The following TUSC3 variants were observed in gnomAD, a reference collection of about 807,000 sequenced individuals.
TUSC3 encodes tumor suppressor candidate 3.
In TUSC3, 45 loss-of-function variants were observed where a neutral mutation model predicts 44.8. That is an observed-to-expected ratio of 1.00 (90% CI 0.79 to 1.29). TUSC3 has a LOEUF of 1.29. Ranked by LOEUF, TUSC3 falls within the 50% of genes most tolerant of loss-of-function variation. The pLI is 0.00. For synonymous variants in TUSC3, 212 were observed against 152.9 expected (o/e 1.39, Z -2.85); for missense variants, 519 against 437.9 (o/e 1.19, Z -1.65).
chr8:15,492,513 C>T (rs76255101), intron 2 of TUSC3, among the ~76,000 whole-genome samples: 4,400 of 152,110 alleles, frequency 0.029, 96 homozygotes, highest in Non-Finnish European at 0.044. Flanking sequence ...TAAGACTGCC[C>T]CAAGACTGAA....
chr8:15,468,149 C>T (rs1203963762), intron 1 of TUSC3, among the ~76,000 whole-genome samples: 2 of 152,122 alleles, frequency 1.3e-5, no homozygotes, highest in Admixed American at 1.3e-4. Flanking sequence ...TGAAGAGTAT[C>T]ATATAATTAT....
In TUSC3 at chr8:15,689,661, A is replaced by G. The variant is rs187440171; in HGVS notation, c.798+15825A>G. 8.5e-5 allele frequency: 13 copies of G among 153,080 alleles called. No individual in the cohort carries two copies. In the East Asian group the frequency reaches 1.4e-3, roughly 16 times the overall value. The allele number at this position is 153,080 out of a possible 1,614,324, so 9.5% of individuals were successfully genotyped here. ...AGATGTTGTTCCTTTCTTTGTGTCT[A>G]TATGTACTCAGTGTTTACCACCCAC... On this transcript the variant is annotated intron_variant, in intron 6 of 10. Coordinates refer to ENST00000503731, the MANE Select transcript of TUSC3 (RefSeq NM_006765.4).
intron 1 of TUSC3, among the ~76,000 whole-genome samples, chr8:15,460,856 C>T (rs764671170): frequency 1.7e-4 from 26 of 152,190 alleles, no homozygotes; most frequent in Admixed American, 4.6e-4. Context: ...GGGTTTATTT[C>T]TGGGTTCTCT....
At chr8:15,476,762 A>C (rs1482441654) in intron 1 of TUSC3, among the ~76,000 whole-genome samples, 1 of 152,222 alleles carries the variant, frequency 6.6e-6, no homozygotes, top group Non-Finnish European at 1.5e-5. Flanking sequence ...CTGGGGTTTA[A>C]ATACCCTCTA....
At chr8:15,422,006 T>C (rs1479930344) in intron 1 of TUSC3, among the ~76,000 whole-genome samples, 3 of 152,218 alleles carry the variant, frequency 2.0e-5, no homozygotes, top group Non-Finnish European at 4.4e-5. Flanking sequence ...ATTATACTTA[T>C]TGTTCCTTTC....
At chr8:15,696,772 T>C (rs1809187332) in intron 6 of TUSC3, among the ~76,000 whole-genome samples, 1 of 152,196 alleles carries the variant, frequency 6.6e-6, no homozygotes, top group Non-Finnish European at 1.5e-5. Flanking sequence ...TTATGTCTTT[T>C]CCTGGTTTTG....
the TUSC3 span, among the ~76,000 whole-genome samples, chr8:15,824,139 C>A: frequency 2.0e-5 from 3 of 152,140 alleles, no homozygotes; most frequent in Admixed American, 2.0e-4. Flanking sequence ...TTATTCACGG[C>A]AGAACTAAAC....
At chr8:15,435,076 G>A (rs1053329303) in intron 1 of TUSC3, among the ~76,000 whole-genome samples, 2 of 148,632 alleles carry the variant, frequency 1.3e-5, no homozygotes, top group East Asian at 3.9e-4. Flanking sequence ...GGGTCAAATG[G>A]TATTTCTAGT....
At chr8:15,448,121 T>TATATATATATATATATATATATATA (rs1354912985) in intron 1 of TUSC3, among the ~76,000 whole-genome samples, 316 of 25,500 alleles carry the variant, frequency 0.012, 12 homozygotes, top group South Asian at 0.032. Flanking sequence ...ATATATATAT[T>TATATATATATATATATATATATATA]TATTTATTTA....
the TUSC3 span, among the ~76,000 whole-genome samples, chr8:15,822,023 T>C: frequency 6.6e-6 from 1 of 152,178 alleles, no homozygotes; most frequent in African/African-American, 2.4e-5. Flanking sequence ...AGTAATAAGA[T>C]GTAGCCATTT....
At chr8:15,469,674 G>A (rs958158465) in intron 1 of TUSC3, among the ~76,000 whole-genome samples, 4 of 152,160 alleles carry the variant, frequency 2.6e-5, no homozygotes, top group Non-Finnish European at 4.4e-5. Flanking sequence ...GAAAACTTAC[G>A]TCCATAGAAA....
intron 1 of TUSC3, among the ~76,000 whole-genome samples, chr8:15,424,408 T>C (rs539909204): frequency 1.3e-5 from 2 of 152,088 alleles, no homozygotes; most frequent in East Asian, 3.9e-4. Flanking sequence ...ATCTGGACTA[T>C]GTCTAGAGGG....
At chr8:15,792,505 CAT>C in the TUSC3 span, among the ~76,000 whole-genome samples, 1 of 152,184 alleles carries the variant, frequency 6.6e-6, no homozygotes, top group Non-Finnish European at 1.5e-5. Flanking sequence ...TGAGAAGTCT[CAT>C]ATGAAATTCA....
At chr8:15,439,144 C>T (rs1799990177) in intron 1 of TUSC3, among the ~76,000 whole-genome samples, 1 of 152,190 alleles carries the variant, frequency 6.6e-6, no homozygotes, top group Admixed American at 6.5e-5. Flanking sequence ...GGCTGACCTT[C>T]ACCCATTTCC....
chr8:15,781,134 G>T, the TUSC3 span, among the ~76,000 whole-genome samples: 1 of 152,160 alleles, frequency 6.6e-6, no homozygotes, highest in Non-Finnish European at 1.5e-5. Flanking sequence ...TGTAGATCCA[G>T]GTCTGCCCAT....
In TUSC3 at chr8:15,540,301, C is replaced by G. The variant is rs886062770; in HGVS notation, c.-130C>G. ...GCGTCCTCGGCCGCGGCCCGGGTCC[C>G]TCGCAAAGCCGCTGCCATCCCGGAG... is the stretch of plus-strand genomic sequence containing the variant. On this transcript the variant is annotated 5_prime_UTR_variant, in exon 1 of 11. Coordinates refer to ENST00000503731, the MANE Select transcript of TUSC3 (RefSeq NM_006765.4). The G allele has an allele frequency of 6.5e-5, 84 of 1,299,330 alleles. No individual in the cohort carries two copies. In the Middle Eastern group the frequency reaches 1.7e-3, roughly 27 times the overall value. 80.5% of individuals were successfully genotyped at this position (1,299,330 alleles called of 1,614,324 possible).
chr8:15,571,099 G>C (rs184254958), intron 1 of TUSC3, among the ~76,000 whole-genome samples: 41 of 151,450 alleles, frequency 2.7e-4, no homozygotes, highest in Non-Finnish European at 4.1e-4. Flanking sequence ...GATTATAGGT[G>C]CCTGCCACCA....
intron 8 of TUSC3, among the ~76,000 whole-genome samples, chr8:15,745,759 CTTG>C (rs1009136609): frequency 2.6e-5 from 4 of 151,520 alleles, no homozygotes; most frequent in Middle Eastern, 6.8e-3. Flanking sequence ...TTTACTCTGT[CTTG>C]TTGTTTTGCG....
chr8:15,832,522 C>A, the TUSC3 span, among the ~76,000 whole-genome samples: 1 of 152,150 alleles, frequency 6.6e-6, no homozygotes, highest in African/African-American at 2.4e-5. Context: ...CATTGGCATG[C>A]TGTCTTCAAG....
Sources: allele counts gnomAD v4.1 joint callset (sites outside exome capture counted in the v4.1 genomes callset), GRCh38; gene constraint gnomAD v4.1.1; transcripts MANE v1.5; gene names NCBI Gene and HGNC (gene_info 2026-07-23, HGNC 2026-07-21).